MYBPC2: variants seen among roughly 807,000 people sequenced by gnomAD.
MYBPC2 encodes the protein myosin-binding protein C, fast-type.
A neutral mutation model predicts 137.0 loss-of-function variants in MYBPC2; 122 were observed. The observed-to-expected ratio is 0.89, with a 90% CI of 0.77 to 1.03. The LOEUF is 1.03. MYBPC2 is among the 50% of genes least tolerant of loss of function. MYBPC2 has a pLI of 0.00. For missense variants in MYBPC2, 1,500 were observed against 1,534.4 expected (o/e 0.98, Z 0.37); for synonymous variants, 626 against 612.3 (o/e 1.02, Z -0.33).
intron 20 of MYBPC2, among the ~76,000 whole-genome samples, chr19:50,457,579 C>T (rs934325583): frequency 2.0e-5 from 3 of 151,904 alleles, no homozygotes; most frequent in Non-Finnish European, 2.9e-5. Flanking sequence ...GCCTGAGCTG[C>T]GTGTCCAGGA....
At chr19:50,438,508 C>A (rs1016536580) in intron 7 of MYBPC2, among the ~76,000 whole-genome samples, 1 of 152,124 alleles carries the variant, frequency 6.6e-6, no homozygotes, top group Admixed American at 6.6e-5. Context: ...GCAGTTGACA[C>A]GCCCATCCAC....
intron 7 of MYBPC2, among the ~76,000 whole-genome samples, chr19:50,438,513 A>G (rs1188117342): frequency 6.6e-6 from 1 of 152,186 alleles, no homozygotes; most frequent in African/African-American, 2.4e-5. Context: ...TGACACGCCC[A>G]TCCACACAGA....
intron 19 of MYBPC2, 32 bp downstream of exon 19, chr19:50,455,328 G>T: frequency 6.2e-7 from 1 of 1,603,192 alleles, no homozygotes; most frequent in Non-Finnish European, 8.5e-7. Flanking sequence ...ATGCCTATTG[G>T]TAATGATGGA....
At chr19:50,442,149 C>T in intron 8 of MYBPC2, 32 bp from the exon 9 acceptor site, 2 of 1,566,644 alleles carry the variant, frequency 1.3e-6, no homozygotes, top group Non-Finnish European at 1.7e-6. Flanking sequence ...GGACCACACG[C>T]CTCCATCCCC....
At chr19:50,451,408 G>T in intron 15 of MYBPC2, 99 bp downstream of exon 15, 1 of 1,371,962 alleles carries the variant, frequency 7.3e-7, no homozygotes, top group Admixed American at 1.8e-5. Flanking sequence ...GGGCGAGGAA[G>T]GATGGGCGGG....
chr19:50,462,190 A>ATT (rs564333279), intron 26 of MYBPC2, among the ~76,000 whole-genome samples, 154 bp downstream of exon 26: 13 of 144,290 alleles, frequency 9.0e-5, no homozygotes, highest in African/African-American at 2.5e-4. Context: ...TTGATTTTTG[A>ATT]TTTTTTTTTT....
rs759169585 is a variant in MYBPC2 at position 50,458,698 on chromosome 19, C to T, written c.2450C>T (p.Ala817Val). 2 of 1,610,768 alleles carry T rather than the reference C, an allele frequency of 1.2e-6. No homozygotes were observed. The highest frequency in any genetic ancestry group is 1.7e-6 in the Non-Finnish European group (2 of 1,179,852). ...ILFRVVGVNI[A>V]GRSEPATLAQ... ...TTCCGAGTAGTTGGGGTCAACATCG[C>T]GGGGCGCAGCGAGCCGGCCACCCTG... is the stretch of plus-strand genomic sequence containing the variant. Residue 817 changes from alanine to valine, a missense_variant, in exon 21 of 28, where the codon GCG becomes GTG. Transcript: ENST00000357701.
intron 25 of MYBPC2, 46 bp from the exon 26 acceptor site, chr19:50,461,854 G>T: frequency 6.3e-7 from 1 of 1,581,012 alleles, no homozygotes; most frequent in Non-Finnish European, 8.6e-7. Context: ...TGGTGTCAGG[G>T]GAGAATCTAG....
At chr19:50,436,188 G>A in intron 4 of MYBPC2, 28 bp downstream of exon 4, 5 of 1,564,358 alleles carry the variant, frequency 3.2e-6, no homozygotes, top group Non-Finnish European at 4.3e-6. Context: ...CAGAGGGCTG[G>A]TGGAGGGGAG....
At chr19:50,439,367 C>T (rs1156518000) in intron 7 of MYBPC2, among the ~76,000 whole-genome samples, 1 of 141,952 alleles carries the variant, frequency 7.0e-6, no homozygotes, top group Non-Finnish European at 1.5e-5. Context: ...AGCCCACTTA[C>T]TCACCATTCT....
At position 50,451,898 on chromosome 19, in the gene MYBPC2, G is replaced by A; in HGVS notation, c.1644G>A (p.Lys548=). Residue 548 remains lysine (K), a synonymous_variant, in exon 16 of 28, where the codon AAG becomes AAA. Coordinates refer to ENST00000357701, the MANE Select transcript of MYBPC2 (RefSeq NM_004533.4). ...PPKIHLDCSG[K]TSENAIVVVA... ...AGATCCACTTGGATTGCTCGGGGAA[G>A]ACCTCAGAGAATGCGATTGTGGTTG... is the stretch of plus-strand genomic sequence containing the variant. The A allele has an allele frequency of 6.3e-7, 1 of 1,589,784 alleles. No homozygotes were observed. The highest frequency in any genetic ancestry group is 8.6e-7 in the Non-Finnish European group (1 of 1,167,566).
At chr19:50,444,366 T>C (rs2039784777) in intron 11 of MYBPC2, among the ~76,000 whole-genome samples, 1 of 152,092 alleles carries the variant, frequency 6.6e-6, no homozygotes, top group African/African-American at 2.4e-5. Flanking sequence ...CATCTACTCA[T>C]TCATATATCC....
intron 8 of MYBPC2, 136 bp from the exon 9 acceptor site, chr19:50,442,045 C>A: frequency 8.6e-7 from 1 of 1,159,932 alleles, no homozygotes; most frequent in Non-Finnish European, 1.2e-6. Context: ...TCTCTAAGTT[C>A]ATAGGAGGCC....
intron 1 of MYBPC2, among the ~76,000 whole-genome samples, chr19:50,433,900 A>C (rs1278427773): frequency 6.6e-6 from 1 of 152,104 alleles, no homozygotes; most frequent in African/African-American, 2.4e-5. Context: ...ACATGGCGAG[A>C]CCTTGTCTCT....
Position 50,450,983 on chromosome 19 carries a change from C to T in MYBPC2, c.1579+48C>T, listed in dbSNP as rs774625843. 30 of 1,508,472 alleles carry T rather than the reference C, an allele frequency of 2.0e-5. No homozygotes were observed. The South Asian group carries it at 2.2e-4, about 11-fold the overall frequency. The allele number at this position is 1,508,472 out of a possible 1,614,324, so 93.4% of individuals were successfully genotyped here. A position where few individuals can be genotyped will look rare whatever the true frequency, so the allele number is the denominator to read the frequency against. On this transcript the variant is annotated intron_variant, in intron 14 of 27. Coordinates refer to ENST00000357701, the MANE Select transcript of MYBPC2 (RefSeq NM_004533.4). ...CCCTGGGGGCTGTAGGATCCACCCT[C>T]GCAGACCCAGGGCCCGGGATGTCCC...
chr19:50,464,155 C>T (rs2039993970), intron 26 of MYBPC2, 191 bp from the exon 27 acceptor site: 1 of 547,858 alleles, frequency 1.8e-6, no homozygotes, highest in African/African-American at 1.9e-5. Context: ...CACCGTTACC[C>T]TGTGAAGTGG....
rs1443588384 is a variant in MYBPC2, at chr19:50,443,699, C to T, written c.1028-12C>T. The stretch of plus-strand genomic sequence containing the variant: ...CCTGAAACGACTGACCTCCTGTCCC[C>T]CTGCCCCACAGAACCTCCAGTCCTA... On this transcript the variant is annotated splice_polypyrimidine_tract_variant and intron_variant, in intron 10 of 27. Transcript: ENST00000357701. 6.2e-7 allele frequency: 1 copy of T among 1,612,676 alleles called. No individual in the cohort carries two copies. The highest frequency in any genetic ancestry group is 1.3e-5 in the African/African-American group (1 of 74,982).
rs760296908 is a variant in MYBPC2, at chr19:50,436,680, G to A, written c.409G>A (p.Glu137Lys). ...GGGGGACCGTGGGTATTACCGCCTC[G>A]AGGTCAAAGCCAAGGACACCTGTGA... ...VLGDRGYYRL[E>K]VKAKDTCDSC... The change falls in exon 5 of 28, where the codon GAG (glutamate) becomes AAG (lysine). Residue 137 changes from glutamate (E) to lysine (K), a missense_variant. Transcript: ENST00000357701. The A allele has an allele frequency of 2.0e-5, 33 of 1,613,928 alleles. No individual in the cohort carries two copies. Among genetic ancestry groups the A allele is most frequent in the Admixed American group, 6.7e-5 (4 of 60,024 alleles).
At chr19:50,459,904 G>A in intron 23 of MYBPC2, 136 bp from the exon 24 acceptor site, 2 of 1,269,968 alleles carry the variant, frequency 1.6e-6, no homozygotes, top group South Asian at 1.4e-5. Flanking sequence ...TGGGATGGGG[G>A]AGGCCATAGG....
Sources: allele counts gnomAD v4.1 joint callset (sites outside exome capture counted in the v4.1 genomes callset), GRCh38; gene constraint gnomAD v4.1.1; transcripts MANE v1.5; gene names NCBI Gene and HGNC (gene_info 2026-07-23, HGNC 2026-07-21).